PSMA5: variants seen among roughly 807,000 people sequenced by gnomAD.
PSMA5 encodes proteasome subunit alpha type-5.
PSMA5 carries 3 observed loss-of-function variants against 34.5 expected under a neutral mutation model. The observed-to-expected ratio is 0.09, with a 90% CI of 0.04 to 0.22. PSMA5 has a LOEUF of 0.22. PSMA5 is among the 10% of genes least tolerant of loss of function. PSMA5 has a pLI of 1.00. For missense variants in PSMA5, 120 were observed against 286.1 expected (o/e 0.42, Z 4.19); for synonymous variants, 88 against 95.8 (o/e 0.92, Z 0.47).
intron 8 of PSMA5, among the ~76,000 whole-genome samples, chr1:109,403,625 G>C (rs1653625980): frequency 6.6e-6 from 1 of 151,640 alleles, no homozygotes; most frequent in African/African-American, 2.4e-5. Context: ...AAGAGGCTCT[G>C]TCTAAAACAA....
At chr1:109,407,723 C>T (rs1653835228) in intron 8 of PSMA5, among the ~76,000 whole-genome samples, 1 of 152,088 alleles carries the variant, frequency 6.6e-6, no homozygotes, top group South Asian at 2.1e-4. Flanking sequence ...CTCACTGCAA[C>T]CTCTACTGCC....
chr1:109,411,058 A>G lies in PSMA5; in HGVS notation c.514T>C (p.Ser172Pro), dbSNP rs948323065. Reference sequence around the variant, plus strand: ...GAGCTCTGGGCACCCTCTGAAGCAGAGCCAATTGCTCGAGCATCACACTGT... The same window carrying G: ...GAGCTCTGGGCACCCTCTGAAGCAGGGCCAATTGCTCGAGCATCACACTGT... ...FVQCDARAIG[S>P]ASEGAQSSLQ... is the part of the protein sequence containing the mutation. Residue 172 changes from serine (S) to proline (P), a missense_variant, in exon 7 of 9, where the codon TCT becomes CCT. Transcript: ENST00000271308. 14 of 1,613,674 alleles carry G rather than the reference A, an allele frequency of 8.7e-6. No individual in the cohort carries two copies. The highest frequency in any genetic ancestry group is 1.2e-5 in the Non-Finnish European group (14 of 1,179,860).
intron 8 of PSMA5, among the ~76,000 whole-genome samples, chr1:109,408,418 T>C (rs1653869264): frequency 6.6e-6 from 1 of 152,210 alleles, no homozygotes; most frequent in Non-Finnish European, 1.5e-5. Flanking sequence ...TTATACATAC[T>C]CACAGGAATC....
chr1:109,406,200 T>C (rs948314233), intron 8 of PSMA5, among the ~76,000 whole-genome samples: 1 of 152,210 alleles, frequency 6.6e-6, no homozygotes, highest in Non-Finnish European at 1.5e-5. Context: ...AGAGTTATCT[T>C]AGCAAGGAGC....
Position 109,410,062 on chromosome 1 carries a change from G to A in PSMA5, c.562-48C>T, listed in dbSNP as rs556304926. On this transcript the variant is annotated intron_variant, in intron 7 of 8. Transcript: ENST00000271308. Reference sequence around the variant, plus strand: ...GATGCCTATTAATTATGCACAATCCGTCCTTCCTTCAAAGATTTTCCCTTT... The same window carrying A: ...GATGCCTATTAATTATGCACAATCCATCCTTCCTTCAAAGATTTTCCCTTT... 99 of 1,220,366 alleles carry A rather than the reference G, an allele frequency of 8.1e-5. No homozygotes were observed. The East Asian group carries it at 1.6e-3, about 20-fold the overall frequency. 75.6% of individuals were successfully genotyped at this position (1,220,366 alleles called of 1,614,324 possible).
At chr1:109,415,428 T>C (rs1654149561) in intron 2 of PSMA5, 65 bp from the exon 3 acceptor site, 3 of 1,490,512 alleles carry the variant, frequency 2.0e-6, no homozygotes, top group Non-Finnish European at 1.8e-6. Context: ...ACTCACCAGA[T>C]AGCTCTCTGT....
chr1:109,421,408 A>T (rs1354528149), intron 2 of PSMA5, among the ~76,000 whole-genome samples: 1 of 151,598 alleles, frequency 6.6e-6, no homozygotes, highest in Non-Finnish European at 1.5e-5. Flanking sequence ...GGTTGCAGTA[A>T]GCTGAGATCA....
Position 109,402,001 on chromosome 1 carries a change from G to T in PSMA5, c.*12C>A. 6.3e-7 allele frequency: 1 copy of T among 1,585,606 alleles called. No homozygotes were observed. Among genetic ancestry groups the T allele is most frequent in the South Asian group, 1.1e-5 (1 of 89,508 alleles). Reference sequence around the variant, plus strand: ...GAAATTGTCCCAGAGAAGTTCTGAGGATCAGGATTCCTTAAATGTCCTTGA... The same window carrying T: ...GAAATTGTCCCAGAGAAGTTCTGAGTATCAGGATTCCTTAAATGTCCTTGA... On this transcript the variant is annotated 3_prime_UTR_variant, in exon 9 of 9. Transcript: ENST00000271308.
chr1:109,402,139 G>A (rs2100949362), intron 8 of PSMA5, 49 bp from the exon 9 acceptor site: 1 of 1,381,220 alleles, frequency 7.2e-7, no homozygotes, highest in Non-Finnish European at 1.0e-6. Context: ...TTACCCTGCT[G>A]ATGGCCCTAC....
Position 109,412,087 on chromosome 1 carries a change from G to A in PSMA5, c.389C>T (p.Pro130Leu). 1 of 1,613,716 alleles carries A rather than the reference G, an allele frequency of 6.2e-7. No homozygotes were observed. Among genetic ancestry groups the A allele is most frequent in the East Asian group, 2.2e-5 (1 of 44,878 alleles). The change falls in exon 5 of 9, where the codon CCA (proline) becomes CTA (leucine). Residue 130 changes from proline (P) to leucine (L), a missense_variant. Around this residue, in one of 3 missense-constraint regions of PSMA5, gnomAD observed 83 missense variants for 203.2 expected, o/e 0.41. Transcript: ENST00000271308. ...ALQFGEEDAD[P>L]GAMSRPFGVA... ...AAGTATCACACTCACCATGGCACCT[G>A]GATCTGCATCTTCTTCTCCAAACTG...
At chr1:109,416,338 C>G (rs1654197264) in intron 2 of PSMA5, among the ~76,000 whole-genome samples, 1 of 152,128 alleles carries the variant, frequency 6.6e-6, no homozygotes, top group Admixed American at 6.6e-5. Context: ...GCCACTTTTC[C>G]CTTCCAACTT....
At chr1:109,424,676 G>C (rs1028839097) in intron 1 of PSMA5, among the ~76,000 whole-genome samples, 1 of 151,324 alleles carries the variant, frequency 6.6e-6, no homozygotes, top group Non-Finnish European at 1.5e-5. Flanking sequence ...TCAGGACGCT[G>C]AGTCAGAGAA....
chr1:109,422,010 C>A (rs1018599112), intron 1 of PSMA5, 84 bp from the exon 2 acceptor site: 1 of 750,532 alleles, frequency 1.3e-6, no homozygotes. Flanking sequence ...ACAACTAGCT[C>A]AGATAGCTAC....
chr1:109,406,094 A>G (rs973232859), intron 8 of PSMA5, among the ~76,000 whole-genome samples: 3 of 152,234 alleles, frequency 2.0e-5, no homozygotes, highest in Non-Finnish European at 2.9e-5. Flanking sequence ...TTTAGGAAAG[A>G]TAATGATTTT....
At chr1:109,423,370 C>G (rs1462947636) in intron 1 of PSMA5, among the ~76,000 whole-genome samples, 1 of 152,136 alleles carries the variant, frequency 6.6e-6, no homozygotes, top group Non-Finnish European at 1.5e-5. Flanking sequence ...ACCCAGGAGG[C>G]GGAGGTTGCA....
chr1:109,402,128 G>A (rs1224166716), intron 8 of PSMA5, 38 bp from the exon 9 acceptor site: 1 of 1,490,728 alleles, frequency 6.7e-7, no homozygotes, highest in East Asian at 2.3e-5. Context: ...GCTGGGCTGA[G>A]TTACCCTGCT....
intron 8 of PSMA5, among the ~76,000 whole-genome samples, chr1:109,405,696 T>C (rs1356507583): frequency 6.6e-6 from 1 of 152,172 alleles, no homozygotes. Context: ...CATCTTGGCT[T>C]ACCAAAGTGC....
chr1:109,423,480 T>C (rs994041585), intron 1 of PSMA5, among the ~76,000 whole-genome samples: 3 of 152,210 alleles, frequency 2.0e-5, no homozygotes, highest in African/African-American at 7.2e-5. Context: ...CCTAACTAAT[T>C]TAAATGTTTG....
In PSMA5 at chr1:109,409,836, C is replaced by T. The variant is rs72703259; in HGVS notation, c.648+92G>A. On this transcript the variant is annotated intron_variant, in intron 8 of 8. Coordinates refer to ENST00000271308, the MANE Select transcript of PSMA5 (RefSeq NM_002790.4). ...GGCTGGGGTGGGAGGACTACTTGAACTCATGAGTTCAAGACCAGTCTAGGC... is the reference window on the plus strand; with the variant it reads ...GGCTGGGGTGGGAGGACTACTTGAATTCATGAGTTCAAGACCAGTCTAGGC... 1.2e-3 allele frequency: 1,002 copies of T among 831,228 alleles called. 1 individual carries two copies. Among genetic ancestry groups the T allele is most frequent in the Non-Finnish European group, 1.7e-3 (890 of 514,572 alleles). 51.5% of individuals were successfully genotyped at this position (831,228 alleles called of 1,614,324 possible).
Sources: gnomAD v4.1 joint callset for allele counts (sites outside exome capture counted in the v4.1 genomes callset) on GRCh38, gnomAD v4.1.1 for gene constraint, gnomAD v4.1.1 regional missense constraint, MANE v1.5 for transcripts, NCBI Gene and HGNC (gene_info 2026-07-23, HGNC 2026-07-21) for gene names.